The following CNGB1 variants were observed in gnomAD, a reference collection of about 807,000 sequenced individuals.
CNGB1 encodes the protein cyclic nucleotide-gated channel beta-1.
In CNGB1, 126 loss-of-function variants were observed where a neutral mutation model predicts 151.7. The ratio of observed to expected loss-of-function variants is 0.83; its 90% CI spans 0.72 to 0.96. The LOEUF (loss-of-function observed/expected upper bound fraction) is 0.96, where lower values mean the gene tolerates loss of function less well. Among genes scored for constraint, CNGB1 ranks in the 40% least tolerant of loss-of-function variants. The pLI is 0.00. For missense variants in CNGB1, 1,698 were observed against 1,627.0 expected (o/e 1.04, Z -0.75); for synonymous variants, 623 against 635.1 (o/e 0.98, Z 0.29).
In CNGB1 at chr16:57,882,617, C is replaced by T. The variant is rs1165154965; in HGVS notation, c.*1547G>A. The stretch of plus-strand genomic sequence containing the variant: ...GTAATTTTATATAAAATGGGCAGGA[C>T]CTATTGGAATTCCAGGTCCTTTATG... On this transcript the variant is annotated 3_prime_UTR_variant, in exon 33 of 33. Coordinates refer to ENST00000251102, the MANE Select transcript of CNGB1 (RefSeq NM_001297.5). The T allele has an allele frequency of 1.3e-5, 2 of 152,062 alleles. No homozygotes were observed. The highest frequency in any genetic ancestry group is 2.4e-5 in the African/African-American group (1 of 41,410). The allele number at this position is 152,062 out of a possible 1,614,324, so 9.4% of individuals were successfully genotyped here. A position where few individuals can be genotyped will look rare whatever the true frequency, so the allele number is the denominator to read the frequency against.
chr16:57,926,915 G>T (rs1311195045), intron 17 of CNGB1, among the ~76,000 whole-genome samples: 11 of 151,938 alleles, frequency 7.2e-5, no homozygotes. Context: ...GGGAGGCAGA[G>T]GTTGCAGTGA....
chr16:57,897,674 C>T lies in CNGB1; in HGVS notation c.3095+122G>A, dbSNP rs1341429154. 20 of 1,531,706 alleles carry T rather than the reference C, an allele frequency of 1.3e-5. No individual in the cohort carries two copies. The East Asian group carries it at 2.9e-4, about 22-fold the overall frequency. The allele number at this position is 1,531,706 out of a possible 1,614,324, so 94.9% of individuals were successfully genotyped here. On this transcript the variant is annotated intron_variant, in intron 30 of 32. Coordinates refer to ENST00000251102, the MANE Select transcript of CNGB1 (RefSeq NM_001297.5). ...GAGAACCTTCCCCCGCCCCCATCCC[C>T]GCATACATCAGCAGGTGCCAGTGCT... is the stretch of plus-strand genomic sequence containing the variant.
At chr16:57,954,342 C>T (rs1962032814) in intron 12 of CNGB1, among the ~76,000 whole-genome samples, 1 of 152,224 alleles carries the variant, frequency 6.6e-6, no homozygotes, top group Non-Finnish European at 1.5e-5. Context: ...CCTTCAGGTG[C>T]CAGCAGCTGC....
chr16:57,903,838 G>C lies in CNGB1; in HGVS notation c.2778C>G (p.His926Gln). 2 of 1,614,174 alleles carry C rather than the reference G, an allele frequency of 1.2e-6. No homozygotes were observed. Among genetic ancestry groups the C allele is most frequent in the Non-Finnish European group, 1.7e-6 (2 of 1,180,040 alleles). ...RVKTWYEYTWHSQGMLDESEL... is the reference protein window; with the variant it reads ...RVKTWYEYTWQSQGMLDESEL... Reference sequence around the variant, plus strand: ...CCATCTTACCCAGCATGCCTTGCGAGTGCCAGGTGTACTCGTACCAGGTCT... The same window carrying C: ...CCATCTTACCCAGCATGCCTTGCGACTGCCAGGTGTACTCGTACCAGGTCT... The change falls in exon 27 of 33, where the codon CAC (histidine) becomes CAG (glutamine). Residue 926 changes from histidine to glutamine, a missense_variant. By Grantham distance (24) the His-to-Gln change is conservative (BLOSUM62 0). Coordinates refer to ENST00000251102, the MANE Select transcript of CNGB1 (RefSeq NM_001297.5).
In CNGB1 at chr16:57,944,938, G is replaced by A. The variant is rs1313255538; in HGVS notation, c.1121+4415C>T. Among the ~76,000 whole-genome samples, 6 of 124,570 alleles carry A rather than the reference G, an allele frequency of 4.8e-5. 1 individual carries two copies. Among genetic ancestry groups the A allele is most frequent in the African/African-American group, 1.6e-4 (5 of 30,330 alleles). The allele number at this position is 124,570 out of a possible 152,430, so 81.7% of individuals were successfully genotyped here. ...CACTCCACTCCCTGGGCAACAGAGCGAGACTCTGTCTTTAAAAAAAAAAAA... is the reference window on the plus strand; with the variant it reads ...CACTCCACTCCCTGGGCAACAGAGCAAGACTCTGTCTTTAAAAAAAAAAAA... On this transcript the variant is annotated intron_variant, in intron 14 of 32. Transcript: ENST00000251102.
chr16:57,945,603 A>T (rs1961786727), intron 14 of CNGB1, among the ~76,000 whole-genome samples: 1 of 152,250 alleles, frequency 6.6e-6, no homozygotes, highest in African/African-American at 2.4e-5. Flanking sequence ...AAAGACTGCC[A>T]GATGTTGTTC....
intron 25 of CNGB1, among the ~76,000 whole-genome samples, chr16:57,906,945 C>G (rs1596966121): frequency 6.6e-6 from 1 of 152,120 alleles, no homozygotes; most frequent in South Asian, 2.1e-4. Flanking sequence ...TGTAGGAGCT[C>G]GGGACCCTGA....
intron 21 of CNGB1, among the ~76,000 whole-genome samples, chr16:57,916,664 AG>A (rs1212736972): frequency 1.3e-5 from 2 of 152,204 alleles, no homozygotes; most frequent in Non-Finnish European, 2.9e-5. Flanking sequence ...ACTGGGAGAC[AG>A]GGACTGTGTC....
At chr16:57,905,906 T>C (rs1318114164) in intron 25 of CNGB1, among the ~76,000 whole-genome samples, 1 of 152,232 alleles carries the variant, frequency 6.6e-6, no homozygotes, top group Non-Finnish European at 1.5e-5. Context: ...CTTTATAAGT[T>C]ACCCAGTCTC....
In CNGB1 at chr16:57,903,966, CT is replaced by C; in HGVS notation, c.2649del (p.Ala885ProfsTer17). On this transcript the variant is annotated frameshift_variant, in exon 27 of 33. Transcript: ENST00000251102. LOFTEE classifies it high-confidence loss of function. ...TAGGTCTGTCCGGCGGTGGCGGCCC[CT>C]ACCACATCTCTCATCTGGGGGAAGG... ...SVMIGQMRDV[V>X]GAATAGQTYY... The C allele has an allele frequency of 1.2e-6, 2 of 1,613,842 alleles. No individual in the cohort carries two copies. Among genetic ancestry groups the C allele is most frequent in the Non-Finnish European group, 1.7e-6 (2 of 1,179,960 alleles).
chr16:57,904,688 G>T (rs746170033), intron 26 of CNGB1, 46 bp downstream of exon 26: 2 of 1,612,736 alleles, frequency 1.2e-6, no homozygotes, highest in Admixed American at 1.7e-5. Flanking sequence ...GTGGGAGGGG[G>T]CCCTGCAGTC....
At position 57,958,549 on chromosome 16, in the gene CNGB1, G is replaced by A. The variant is rs115298774; in HGVS notation, c.762-64C>T. The A allele has an allele frequency of 2.7e-3, 3,873 of 1,433,334 alleles. 99 individuals are homozygous for A. The African/African-American group carries it at 0.049, about 18-fold the overall frequency. The allele number at this position is 1,433,334 out of a possible 1,614,324, so 88.8% of individuals were successfully genotyped here. A position where few individuals can be genotyped will look rare whatever the true frequency, so the allele number is the denominator to read the frequency against. ...GGGTCATGGGTAAACTGAGGCTGGA[G>A]TCAGCTCGTTCCCAAGGCAGAAAAC... On this transcript the variant is annotated intron_variant, in intron 10 of 32. Transcript: ENST00000251102.
At chr16:57,942,230 C>A (rs1307399856) in intron 14 of CNGB1, among the ~76,000 whole-genome samples, 1 of 151,892 alleles carries the variant, frequency 6.6e-6, no homozygotes, top group African/African-American at 2.4e-5. Flanking sequence ...CTGGCTAGAG[C>A]AATTAGGCAA....
chr16:57,958,047 G>A (rs563868279), intron 11 of CNGB1, among the ~76,000 whole-genome samples: 42 of 152,202 alleles, frequency 2.8e-4, no homozygotes, highest in Admixed American at 4.6e-4. Context: ...TAGGGCTGCC[G>A]GCTCCTGTGA....
At chr16:57,959,806 T>C in intron 10 of CNGB1, 82 bp downstream of exon 10, 1 of 1,402,120 alleles carries the variant, frequency 7.1e-7, no homozygotes, top group South Asian at 1.7e-5. Context: ...TTCTTCCAGG[T>C]TTCCAGGAGG....
At chr16:57,885,296 A>C (rs1265226030) in intron 32 of CNGB1, among the ~76,000 whole-genome samples, 1 of 152,186 alleles carries the variant, frequency 6.6e-6, no homozygotes, top group African/African-American at 2.4e-5. Flanking sequence ...GCTTGTGCAG[A>C]GAGACCTGCG....
At chr16:57,945,620 T>C (rs1485495873) in intron 14 of CNGB1, among the ~76,000 whole-genome samples, 1 of 152,252 alleles carries the variant, frequency 6.6e-6, no homozygotes, top group African/African-American at 2.4e-5. Context: ...GTTCTGGTGA[T>C]TCTTCTGGAT....
rs1961100322 is a variant in CNGB1, at chr16:57,923,354, T to C, written c.1562A>G (p.Glu521Gly). The change falls in exon 18 of 33, where the codon GAG becomes GGG. Residue 521 changes from glutamate (E) to glycine (G), a missense_variant. Coordinates refer to ENST00000251102, the MANE Select transcript of CNGB1 (RefSeq NM_001297.5). ...HRKKLPSEDD[E>G]AEELKALSPA... ...TGACAACGCCTTGAGCTCTTCAGCC[T>C]CATCATCCTCAGAGGGCAGCTTCTT... 1 of 1,613,362 alleles carries C rather than the reference T, an allele frequency of 6.2e-7. No homozygotes were observed. Among genetic ancestry groups the C allele is most frequent in the Non-Finnish European group, 8.5e-7 (1 of 1,179,734 alleles).
chr16:57,916,024 T>C (rs1037265944), intron 22 of CNGB1, 105 bp downstream of exon 22: 2 of 1,078,682 alleles, frequency 1.9e-6, no homozygotes, highest in African/African-American at 3.1e-5. Flanking sequence ...CATCCCTCCG[T>C]GTGGCAGAAA....
Sources: gnomAD v4.1 joint callset for allele counts (sites outside exome capture counted in the v4.1 genomes callset) on GRCh38, gnomAD v4.1.1 for gene constraint, MANE v1.5 for transcripts, NCBI Gene and HGNC (gene_info 2026-07-23, HGNC 2026-07-21) for gene names.